NMNAT2: variants seen among roughly 807,000 people sequenced by gnomAD.
NMNAT2 encodes nicotinamide nucleotide adenylyltransferase 2, also known as nicotinamide/nicotinic acid mononucleotide adenylyltransferase 2.
In NMNAT2, 11 loss-of-function variants were observed where a neutral mutation model predicts 41.6. The observed-to-expected ratio is 0.26, with a 90% confidence interval of 0.17 to 0.44. The LOEUF is 0.44. Among genes scored for constraint, NMNAT2 ranks in the 20% least tolerant of loss-of-function variants. The probability of loss-of-function intolerance (pLI) is 1.00; values close to 1 mark genes in which losing one functional copy is unlikely to be tolerated. For synonymous variants in NMNAT2, 148 were observed against 151.2 expected, an observed-to-expected ratio of 0.98 and a Z score of 0.16; for missense variants, 288 against 407.7, an observed-to-expected ratio of 0.71 and a Z score of 2.53.
chr1:183,409,282 G>A (rs1054356132), intron 1 of NMNAT2, among the ~76,000 whole-genome samples: 1 of 151,986 alleles, frequency 6.6e-6, no homozygotes, highest in Non-Finnish European at 1.5e-5. Context: ...TTTTTAAATG[G>A]TAAATAATTT....
At chr1:183,304,652 C>T in intron 1 of NMNAT2, 1 of 1,612,828 alleles carries the variant, frequency 6.2e-7, no homozygotes, top group South Asian at 1.1e-5. Flanking sequence ...CCATGTGCCT[C>T]AGGCTGTCTG....
chr1:183,404,099 ATT>A (rs10655990), intron 1 of NMNAT2, among the ~76,000 whole-genome samples: 105 of 138,460 alleles, frequency 7.6e-4, no homozygotes, highest in African/African-American at 1.4e-3. Flanking sequence ...CAGAAATGTA[ATT>A]TTTTTTTTTT....
intron 1 of NMNAT2, among the ~76,000 whole-genome samples, chr1:183,346,471 A>G (rs1662931589): frequency 6.6e-6 from 1 of 152,162 alleles, no homozygotes; most frequent in Admixed American, 6.5e-5. Flanking sequence ...ACGAGGCACA[A>G]CAGACCATAC....
At chr1:183,311,722 TACACACAC>T (rs61005402) in intron 1 of NMNAT2, among the ~76,000 whole-genome samples, 1,572 of 144,270 alleles carry the variant, frequency 0.011, 18 homozygotes, top group African/African-American at 0.027. Flanking sequence ...GTCCAGTCCC[TACACACAC>T]ACACACACAC....
In NMNAT2 at chr1:183,253,678, G is replaced by A. The variant is rs113262020; in HGVS notation, c.822-935C>T. On this transcript the variant is annotated intron_variant, in intron 10 of 10. Coordinates refer to ENST00000287713, the MANE Select transcript of NMNAT2 (RefSeq NM_015039.4). ...TATATTCCTACATATTTGCTGCTTT[G>A]TATCCTTTGATCTATATCTCCCCAC... Among the ~76,000 whole-genome samples the A allele has an allele frequency of 3.2e-3, 479 of 150,514 alleles. 1 individual carries two copies. The highest frequency in any genetic ancestry group is 6.9e-3 in the Middle Eastern group (2 of 290).
At chr1:183,324,414 G>A (rs1423373000) in intron 1 of NMNAT2, among the ~76,000 whole-genome samples, 1 of 152,186 alleles carries the variant, frequency 6.6e-6, no homozygotes, top group African/African-American at 2.4e-5. Flanking sequence ...TGAACTGTTT[G>A]AAGTGGGAAA....
In NMNAT2 at chr1:183,251,243, C is replaced by T. The variant is rs1260432654; in HGVS notation, c.*1398G>A. On this transcript the variant is annotated 3_prime_UTR_variant, in exon 11 of 11. Coordinates refer to ENST00000287713, the MANE Select transcript of NMNAT2 (RefSeq NM_015039.4). ...ATTTTCTCAGACAGTTCCTGCAGCTCCCAGGCTCTGCAGGGGCTAGAACCA... is the reference window on the plus strand; with the variant it reads ...ATTTTCTCAGACAGTTCCTGCAGCTTCCAGGCTCTGCAGGGGCTAGAACCA... 1 of 152,222 alleles carries T rather than the reference C, an allele frequency of 6.6e-6. No homozygotes were observed. The highest frequency in any genetic ancestry group is 1.5e-5 in the Non-Finnish European group (1 of 68,070). The allele number at this position is 152,222 out of a possible 1,614,324, so 9.4% of individuals were successfully genotyped here. A position where few individuals can be genotyped will look rare whatever the true frequency, so the allele number is the denominator to read the frequency against.
chr1:183,285,353 T>C (rs525975), intron 5 of NMNAT2, among the ~76,000 whole-genome samples: 148,760 of 152,284 alleles, frequency 0.98, 72,762 homozygotes, highest in East Asian at 1. Flanking sequence ...TCCAAGGAGA[T>C]TCAGCAAAGT....
In NMNAT2 at chr1:183,292,709, G is replaced by T. The variant is rs970153523; in HGVS notation, c.242+81C>A. 8 of 1,306,568 alleles carry T rather than the reference G, an allele frequency of 6.1e-6. No individual in the cohort carries two copies. In the Admixed American group the frequency reaches 1.6e-4, roughly 25 times the overall value. The allele number at this position is 1,306,568 out of a possible 1,614,324, so 80.9% of individuals were successfully genotyped here. A position where few individuals can be genotyped will look rare whatever the true frequency, so the allele number is the denominator to read the frequency against. The stretch of plus-strand genomic sequence containing the variant: ...CCATCCTTTCAGGATCCAAATTACT[G>T]CTGGAACTCTTCTTTTTTCCCCACC... On this transcript the variant is annotated intron_variant, in intron 3 of 10. Transcript: ENST00000287713.
At chr1:183,371,911 C>G (rs902922472) in intron 1 of NMNAT2, among the ~76,000 whole-genome samples, 1 of 152,092 alleles carries the variant, frequency 6.6e-6, no homozygotes, top group Non-Finnish European at 1.5e-5. Flanking sequence ...TCCTGAGTAG[C>G]TGGGACCACA....
At chr1:183,345,683 C>G (rs905333262) in intron 1 of NMNAT2, among the ~76,000 whole-genome samples, 2 of 121,890 alleles carry the variant, frequency 1.6e-5, no homozygotes, top group Non-Finnish European at 3.4e-5. Context: ...AAATAATATC[C>G]TTTTCTTTTT....
intron 1 of NMNAT2, among the ~76,000 whole-genome samples, chr1:183,315,432 C>T (rs1662223820): frequency 6.6e-6 from 1 of 151,926 alleles, no homozygotes; most frequent in Non-Finnish European, 1.5e-5. Flanking sequence ...TCACAAGGTA[C>T]AATACACAGA....
chr1:183,363,565 G>GACACACAC (rs1318960708), intron 1 of NMNAT2, among the ~76,000 whole-genome samples: 7 of 121,620 alleles, frequency 5.8e-5, no homozygotes, highest in Non-Finnish European at 1.2e-4. Flanking sequence ...GTCCCCTAGA[G>GACACACAC]ACACACACAC....
At chr1:183,386,348 A>G (rs1489724654) in intron 1 of NMNAT2, among the ~76,000 whole-genome samples, 2 of 152,180 alleles carry the variant, frequency 1.3e-5, no homozygotes, top group Non-Finnish European at 1.5e-5. Context: ...AAATCTTTAC[A>G]AAGTTTCCAA....
intron 1 of NMNAT2, among the ~76,000 whole-genome samples, chr1:183,365,662 T>C (rs1248868330): frequency 6.6e-6 from 1 of 151,862 alleles, no homozygotes; most frequent in Non-Finnish European, 1.5e-5. Flanking sequence ...CACTTGAACC[T>C]GGGAGGCGGA....
intron 1 of NMNAT2, among the ~76,000 whole-genome samples, chr1:183,383,351 G>A (rs775677224): frequency 6.6e-6 from 1 of 152,188 alleles, no homozygotes; most frequent in African/African-American, 2.4e-5. Context: ...TCTCTGGAAT[G>A]CCTTCAAGAA....
At chr1:183,268,548 G>A (rs1423054099) in intron 8 of NMNAT2, among the ~76,000 whole-genome samples, 1 of 152,124 alleles carries the variant, frequency 6.6e-6, no homozygotes, top group African/African-American at 2.4e-5. Flanking sequence ...ATCCCATGGG[G>A]GAGGCAAACT....
intron 1 of NMNAT2, among the ~76,000 whole-genome samples, chr1:183,327,717 A>T (rs1243445249): frequency 1.3e-5 from 2 of 152,232 alleles, no homozygotes; most frequent in Non-Finnish European, 2.9e-5. Flanking sequence ...TCTCAGTGCC[A>T]CAAGGACATT....
chr1:183,337,379 A>T (rs1662698832), intron 1 of NMNAT2, among the ~76,000 whole-genome samples: 1 of 152,124 alleles, frequency 6.6e-6, no homozygotes, highest in African/African-American at 2.4e-5. Flanking sequence ...AAATACAACA[A>T]CAAATTTATC....
Sources: allele counts gnomAD v4.1 joint callset (sites outside exome capture counted in the v4.1 genomes callset), GRCh38; gene constraint gnomAD v4.1.1; transcripts MANE v1.5; gene names NCBI Gene and HGNC (gene_info 2026-07-23, HGNC 2026-07-21).